CHD9: variants seen among roughly 807,000 people sequenced by gnomAD.
CHD9 encodes the protein chromodomain helicase DNA binding protein 9, also known as ATP-dependent chromatin remodeler CHD9.
A neutral mutation model predicts 316.1 loss-of-function variants in CHD9; 77 were observed. That is an observed-to-expected ratio of 0.24 (90% CI 0.20 to 0.29). The LOEUF is 0.29. CHD9 is among the 10% of genes least tolerant of loss of function. The pLI is 1.00. For missense variants in CHD9, 2,763 were observed against 3,438.1 expected (o/e 0.80, Z 4.91); for synonymous variants, 1,129 against 1,158.3 (o/e 0.97, Z 0.51).
chr16:53,242,235 T>C (rs1456247046), intron 12 of CHD9, among the ~76,000 whole-genome samples: 2 of 152,250 alleles, frequency 1.3e-5, no homozygotes, highest in African/African-American at 4.8e-5. Context: ...ATCCTTGTTT[T>C]ATTTTATTCC....
chr16:53,312,571 A>G (rs1303861579), intron 34 of CHD9, among the ~76,000 whole-genome samples: 2 of 152,162 alleles, frequency 1.3e-5, no homozygotes, highest in Non-Finnish European at 2.9e-5. Context: ...CTAGTGTGTA[A>G]ATTCTTACTG....
intron 2 of CHD9, among the ~76,000 whole-genome samples, chr16:53,175,910 T>C (rs1388348568): frequency 1.3e-5 from 2 of 152,152 alleles, no homozygotes; most frequent in East Asian, 1.9e-4. Context: ...GTCATACAGA[T>C]AGTGGCAAAG....
chr16:53,279,880 C>A (rs1333859297), intron 24 of CHD9, among the ~76,000 whole-genome samples: 2 of 152,098 alleles, frequency 1.3e-5, no homozygotes, highest in Non-Finnish European at 2.9e-5. Flanking sequence ...ATAGACAATT[C>A]TCAAAAGAAC....
chr16:53,111,266 C>T (rs2037842391), intron 1 of CHD9, among the ~76,000 whole-genome samples: 1 of 152,122 alleles, frequency 6.6e-6, no homozygotes, highest in Non-Finnish European at 1.5e-5. Context: ...TCAGAGATGC[C>T]TGGGAGAGCT....
At chr16:53,084,279 G>A (rs139117524) in intron 1 of CHD9, among the ~76,000 whole-genome samples, 238 of 152,324 alleles carry the variant, frequency 1.6e-3, no homozygotes, top group Non-Finnish European at 2.5e-3. Context: ...TCTATGGGCA[G>A]GTGAATTTTA....
chr16:53,245,524 A>C lies in CHD9; in HGVS notation c.3198+45A>C. On this transcript the variant is annotated intron_variant, in intron 14 of 38. Coordinates refer to ENST00000447540, the MANE Select transcript of CHD9 (RefSeq NM_001308319.2). The surrounding 1 kb of genome is among the most constrained non-coding windows in gnomAD (Gnocchi z 4.1). ...AAATACATTCATCGCATTTCTAATC[A>C]TTGTAATTATTTTGTATGTGTAATT... is the stretch of plus-strand genomic sequence containing the variant. The C allele has an allele frequency of 1.3e-6, 2 of 1,541,762 alleles. No individual in the cohort carries two copies. Among genetic ancestry groups the C allele is most frequent in the South Asian group, 1.3e-5 (1 of 78,898 alleles).
intron 1 of CHD9, among the ~76,000 whole-genome samples, chr16:53,128,374 G>A (rs1293478228): frequency 6.6e-6 from 1 of 152,086 alleles, no homozygotes; most frequent in African/African-American, 2.4e-5. Context: ...TAGAGGTGAG[G>A]TTTCTCCATG....
chr16:53,251,026 T>G (rs1225209399), intron 17 of CHD9, among the ~76,000 whole-genome samples: 2 of 152,246 alleles, frequency 1.3e-5, no homozygotes, highest in Non-Finnish European at 1.5e-5. Context: ...TGTAACTATA[T>G]GTAATCTACT....
At chr16:53,188,257 C>T (rs2044192662) in intron 2 of CHD9, among the ~76,000 whole-genome samples, 2 of 152,194 alleles carry the variant, frequency 1.3e-5, no homozygotes, top group African/African-American at 4.8e-5. Flanking sequence ...TCAGTTGTTT[C>T]CACTTCTTGG....
intron 24 of CHD9, among the ~76,000 whole-genome samples, chr16:53,284,723 T>C (rs566600141): frequency 6.6e-6 from 1 of 152,342 alleles, no homozygotes; most frequent in East Asian, 1.9e-4. Context: ...ATTGTGATTT[T>C]ATGGCATTCT....
At chr16:53,198,083 T>A (rs1483768935) in intron 2 of CHD9, among the ~76,000 whole-genome samples, 1 of 152,094 alleles carries the variant, frequency 6.6e-6, no homozygotes, top group Non-Finnish European at 1.5e-5. Context: ...TCTATAGTAC[T>A]CCACCCTGTT....
At position 53,077,516 on chromosome 16, in the gene CHD9, A is replaced by G. The variant is rs2034643793; in HGVS notation, c.-165+22439A>G. On this transcript the variant is annotated intron_variant, in intron 1 of 38. Transcript: ENST00000447540. ...TTTTGTTTTTGTATTTTTAGTAGAG[A>G]CGGGGTTTCACCATGTTAGCCAGGA... Among the ~76,000 whole-genome samples the G allele has an allele frequency of 5.9e-5, 9 of 151,526 alleles. No homozygotes were observed. The South Asian group carries it at 1.9e-3, about 32-fold the overall frequency.
Position 53,324,886 on chromosome 16 carries a change from T to C in CHD9, c.8685T>C (p.Asn2895=). Residue 2895 remains asparagine, a synonymous_variant, in exon 39 of 39, where the codon AAT becomes AAC. Transcript: ENST00000447540. ...SSSSEDSDSS[N]ED Reference sequence around the variant, plus strand: ...CATCTGAGGATTCAGATTCTAGTAATGAAGACTGATTCCCAGACTCTGCAC... The same window carrying C: ...CATCTGAGGATTCAGATTCTAGTAACGAAGACTGATTCCCAGACTCTGCAC... 1.9e-6 allele frequency: 3 copies of C among 1,585,304 alleles called. No homozygotes were observed. Among genetic ancestry groups the C allele is most frequent in the Non-Finnish European group, 2.6e-6 (3 of 1,168,776 alleles).
intron 19 of CHD9, among the ~76,000 whole-genome samples, chr16:53,258,732 A>C (rs1293683594): frequency 6.6e-6 from 1 of 152,208 alleles, no homozygotes; most frequent in Non-Finnish European, 1.5e-5. Context: ...TCAAATAGAT[A>C]GAACTCATTA....
intron 2 of CHD9, among the ~76,000 whole-genome samples, chr16:53,188,268 C>T (rs763780502): frequency 6.6e-6 from 1 of 152,174 alleles, no homozygotes; most frequent in Non-Finnish European, 1.5e-5. Flanking sequence ...CACTTCTTGG[C>T]CATTATGAAT....
intron 3 of CHD9, among the ~76,000 whole-genome samples, chr16:53,216,750 G>C (rs753835062): frequency 2.0e-5 from 3 of 152,156 alleles, no homozygotes; most frequent in African/African-American, 4.8e-5. Flanking sequence ...CCGAGCCAGT[G>C]GTTCCCAAAC....
intron 30 of CHD9, chr16:53,299,386 G>C (rs79217185): frequency 0.031 from 5,226 of 166,262 alleles, 103 homozygotes; most frequent in South Asian, 0.066. Context: ...CAGATTAAAA[G>C]GCATTTTAAT....
chr16:53,071,048 T>C (rs1473262271), intron 1 of CHD9, among the ~76,000 whole-genome samples: 3 of 152,174 alleles, frequency 2.0e-5, no homozygotes, highest in Non-Finnish European at 2.9e-5. Flanking sequence ...GAGATTTTGA[T>C]AGCAATTACA....
intron 1 of CHD9, among the ~76,000 whole-genome samples, chr16:53,055,502 C>G (rs1201722496): frequency 4.6e-5 from 7 of 151,768 alleles, no homozygotes; most frequent in African/African-American, 1.7e-4. Flanking sequence ...CCGCCCCCCC[C>G]CAGAGACTCA....
Sources: gnomAD v4.1 joint callset for allele counts (sites outside exome capture counted in the v4.1 genomes callset) on GRCh38, gnomAD v4.1.1 for gene constraint, Gnocchi (gnomAD v3.1) non-coding constraint, MANE v1.5 for transcripts, NCBI Gene and HGNC (gene_info 2026-07-23, HGNC 2026-07-21) for gene names.